The following ICE1 variants were observed in gnomAD, a reference collection of about 807,000 sequenced individuals.
The protein encoded by ICE1 is interactor of little elongation complex ELL subunit 1.
A neutral mutation model predicts 192.7 loss-of-function variants in ICE1; 64 were observed. The observed-to-expected ratio is 0.33, with a 90% CI of 0.27 to 0.41. The LOEUF is 0.41. Ranked by LOEUF, ICE1 falls within the 10% of genes least tolerant of loss-of-function variation. The probability of loss-of-function intolerance (pLI) is 1.00; values close to 1 mark genes in which losing one functional copy is unlikely to be tolerated. For missense variants in ICE1, 2,708 were observed against 2,696.0 expected (o/e 1.00, Z -0.10); for synonymous variants, 1,010 against 984.5 (o/e 1.03, Z -0.49).
intron 10 of ICE1, among the ~76,000 whole-genome samples, chr5:5,451,333 C>T (rs554211137): frequency 3.3e-5 from 5 of 152,042 alleles, no homozygotes; most frequent in African/African-American, 1.2e-4. Flanking sequence ...GAAATAAATA[C>T]GGAGAATGAA....
At position 5,462,366 on chromosome 5, in the gene ICE1, C is replaced by T; in HGVS notation, c.3032C>T (p.Ser1011Leu). The change falls in exon 13 of 19, where the codon TCA becomes TTA. Residue 1011 changes from serine (S) to leucine (L), a missense_variant. Around this residue, in one of 2 missense-constraint regions of ICE1, gnomAD observed 2,366 missense variants for 2,276.6 expected, o/e 1.04. Transcript: ENST00000296564. ...EMLPATEVTV[S>L]GGFSVEETSC... ...CTTCCAGCCACAGAAGTGACTGTGT[C>T]AGGAGGGTTTTCTGTTGAAGAAACC... 1 of 1,614,030 alleles carries T rather than the reference C, an allele frequency of 6.2e-7. No individual in the cohort carries two copies. The highest frequency in any genetic ancestry group is 8.5e-7 in the Non-Finnish European group (1 of 1,179,906).
intron 17 of ICE1, among the ~76,000 whole-genome samples, chr5:5,482,752 T>A (rs902119831): frequency 6.9e-6 from 1 of 145,300 alleles, no homozygotes. Flanking sequence ...TTCTCAGAGG[T>A]GACATTAACA....
At chr5:5,436,334 T>TG in intron 1 of ICE1, 84 bp from the exon 2 acceptor site, 2 of 813,876 alleles carry the variant, frequency 2.5e-6, no homozygotes, top group Non-Finnish European at 3.7e-6. Context: ...ATTAAAATTC[T>TG]TAGATATGAT....
chr5:5,475,725 C>T (rs1739287371), intron 16 of ICE1, among the ~76,000 whole-genome samples: 1 of 152,172 alleles, frequency 6.6e-6, no homozygotes, highest in Non-Finnish European at 1.5e-5. Context: ...GCTTCTCTGT[C>T]CAAAGCCTTG....
intron 17 of ICE1, among the ~76,000 whole-genome samples, chr5:5,476,491 G>A (rs1175272309): frequency 2.0e-5 from 3 of 152,188 alleles, no homozygotes; most frequent in African/African-American, 7.2e-5. Flanking sequence ...TTGGCTTCCA[G>A]TTCTGCAGGC....
chr5:5,448,057 A>G (rs1738293595), intron 10 of ICE1, among the ~76,000 whole-genome samples, 160 bp downstream of exon 10: 1 of 152,244 alleles, frequency 6.6e-6, no homozygotes, highest in Non-Finnish European at 1.5e-5. Context: ...AGATCCAAAT[A>G]TAATCAGCTT....
chr5:5,457,335 A>C lies in ICE1; in HGVS notation c.695A>C (p.Lys232Thr). The change falls in exon 12 of 19, where the codon AAA becomes ACA. Residue 232 changes from lysine (K) to threonine (T), a missense_variant. Physicochemically the swap from Lys to Thr is moderately conservative, Grantham distance 78. Transcript: ENST00000296564. ...PGEGSRCVPE[K>T]PAKAITSSRV... Reference sequence around the variant, plus strand: ...CTACTTTTGTTCCCCCACATAGAAAAACCTGCCAAAGCAATCACCAGCTCC... The same window carrying C: ...CTACTTTTGTTCCCCCACATAGAAACACCTGCCAAAGCAATCACCAGCTCC... The C allele has an allele frequency of 6.3e-7, 1 of 1,592,318 alleles. No individual in the cohort carries two copies. The highest frequency in any genetic ancestry group is 8.5e-7 in the Non-Finnish European group (1 of 1,169,874).
chr5:5,428,952 C>G (rs1718428238), intron 1 of ICE1, among the ~76,000 whole-genome samples: 1 of 152,122 alleles, frequency 6.6e-6, no homozygotes, highest in African/African-American at 2.4e-5. Flanking sequence ...ATGTTCAGTA[C>G]TCATAGGACT....
Position 5,460,763 on chromosome 5 carries a change from G to T in ICE1, c.1429G>T (p.Asp477Tyr). 3 of 1,614,014 alleles carry T rather than the reference G, an allele frequency of 1.9e-6. No homozygotes were observed. The highest frequency in any genetic ancestry group is 2.5e-6 in the Non-Finnish European group (3 of 1,179,902). The change falls in exon 13 of 19, where the codon GAC (aspartate) becomes TAC (tyrosine). Residue 477 changes from aspartate to tyrosine, a missense_variant. Asp to Tyr is a radical substitution (Grantham distance 160, BLOSUM62 -3). Transcript: ENST00000296564. The stretch of plus-strand genomic sequence containing the variant: ...TCGATCCATGAGTGATAGAAAAAGA[G>T]ACATTTTACATGAGACAAAAACACA... ...ASRSMSDRKR[D>Y]ILHETKTQME...
At chr5:5,484,933 A>G (rs929877580) in intron 17 of ICE1, among the ~76,000 whole-genome samples, 12 of 152,202 alleles carry the variant, frequency 7.9e-5, no homozygotes, top group Non-Finnish European at 1.5e-4. Flanking sequence ...AGTCAAAAGA[A>G]GATGAGGATT....
intron 1 of ICE1, among the ~76,000 whole-genome samples, chr5:5,428,965 G>A (rs543050291): frequency 3.5e-4 from 53 of 152,270 alleles, no homozygotes; most frequent in Non-Finnish European, 5.3e-4. Context: ...ATAGGACTTA[G>A]CATATAGTTA....
At chr5:5,433,901 A>G (rs546885419) in intron 1 of ICE1, among the ~76,000 whole-genome samples, 1 of 152,110 alleles carries the variant, frequency 6.6e-6, no homozygotes, top group South Asian at 2.1e-4. Context: ...ATTTTAGTGC[A>G]AAAATGGTAT....
intron 1 of ICE1, among the ~76,000 whole-genome samples, chr5:5,433,661 A>G (rs2111336767): frequency 6.6e-6 from 1 of 152,288 alleles, no homozygotes; most frequent in South Asian, 2.1e-4. Context: ...GTCCAGTATG[A>G]CCTCATCTTA....
At chr5:5,443,267 T>C (rs904446780) in intron 6 of ICE1, 23 bp downstream of exon 6, 35 of 1,253,378 alleles carry the variant, frequency 2.8e-5, no homozygotes, top group Admixed American at 9.4e-5. Context: ...TAAATTACTA[T>C]AGAAATACGG....
intron 1 of ICE1, among the ~76,000 whole-genome samples, 158 bp downstream of exon 1, chr5:5,423,157 C>G (rs141051522): frequency 2.0e-5 from 3 of 152,088 alleles, no homozygotes; most frequent in African/African-American, 7.2e-5. Context: ...CTCTCTTTTT[C>G]CTACATGAGT....
At chr5:5,487,862 G>A (rs113801283) in intron 18 of ICE1, among the ~76,000 whole-genome samples, 7 of 152,110 alleles carry the variant, frequency 4.6e-5, no homozygotes, top group African/African-American at 1.7e-4. Flanking sequence ...ACAGCCTAAC[G>A]GGATCCCCAA....
chr5:5,438,623 G>A (rs1737949802), intron 3 of ICE1, among the ~76,000 whole-genome samples: 2 of 152,088 alleles, frequency 1.3e-5, no homozygotes, highest in African/African-American at 4.8e-5. Flanking sequence ...TCCAGTATTA[G>A]GAGAGTATGT....
chr5:5,426,317 C>T (rs570282800), intron 1 of ICE1, among the ~76,000 whole-genome samples: 6 of 152,162 alleles, frequency 3.9e-5, no homozygotes, highest in Non-Finnish European at 7.4e-5. Flanking sequence ...TGGTGGCATG[C>T]GCCTGTAATC....
rs558174516 is a variant in ICE1, at chr5:5,471,133, C to A, written c.6222+2145C>A. Among the ~76,000 whole-genome samples the A allele has an allele frequency of 4.6e-5, 7 of 152,176 alleles. No homozygotes were observed. In the South Asian group the frequency reaches 1.5e-3, roughly 32 times the overall value. ...AAATGCCAGCAACATAGATAGCTGA[C>A]AGTGCAGATCAGCAAAAACAGAGAA... On this transcript the variant is annotated intron_variant, in intron 15 of 18. Transcript: ENST00000296564.
Sources: allele counts gnomAD v4.1 joint callset (sites outside exome capture counted in the v4.1 genomes callset), GRCh38; gene constraint gnomAD v4.1.1; regional missense constraint gnomAD v4.1.1; transcripts MANE v1.5; gene names NCBI Gene and HGNC (gene_info 2026-07-23, HGNC 2026-07-21).